The following EVL variants were observed in gnomAD, a reference collection of about 807,000 sequenced individuals.
EVL encodes the protein ena/VASP-like protein.
EVL carries 21 observed loss-of-function variants against 59.6 expected under a neutral mutation model. That is an observed-to-expected ratio of 0.35 (90% CI 0.25 to 0.51). The LOEUF is 0.51. Ranked by LOEUF, EVL falls within the 20% of genes least tolerant of loss-of-function variation. The pLI, the probability that EVL is intolerant of heterozygous loss-of-function variation, is 0.97. For missense variants in EVL, 462 were observed against 546.6 expected (o/e 0.85, Z 1.54); for synonymous variants, 198 against 203.5 (o/e 0.97, Z 0.23).
intron 1 of EVL, among the ~76,000 whole-genome samples, chr14:100,012,861 G>C (rs1416587877): frequency 6.6e-6 from 1 of 152,256 alleles, no homozygotes; most frequent in Admixed American, 6.5e-5. Context: ...GTATGACTAA[G>C]AATTGCTGTG....
At chr14:100,043,509 G>A (rs2061500182) in intron 1 of EVL, among the ~76,000 whole-genome samples, 1 of 151,854 alleles carries the variant, frequency 6.6e-6, no homozygotes, top group South Asian at 2.1e-4. Flanking sequence ...AAGTCCTGGA[G>A]CCCAAAGGCT....
chr14:100,136,768 G>A (rs371145128), intron 9 of EVL, among the ~76,000 whole-genome samples: 10 of 152,154 alleles, frequency 6.6e-5, no homozygotes, highest in East Asian at 5.8e-4. Context: ...TAGGTTCCTG[G>A]CTGATGAACG....
rs1039072470 is a variant in EVL, at chr14:100,057,977, C to G, written c.6-26710C>G. ...ACACCCTGCCTTCTTAACACAAATT[C>G]TCATGAAATGTCATTATTATACAAA... On this transcript the variant is annotated intron_variant, in intron 1 of 13. Coordinates refer to the EVL transcript ENST00000402714. Among the ~76,000 whole-genome samples the G allele has an allele frequency of 7.9e-5, 12 of 152,186 alleles. 1 individual carries two copies. The highest frequency in any genetic ancestry group is 2.9e-4 in the African/African-American group (12 of 41,448).
intron 1 of EVL, among the ~76,000 whole-genome samples, chr14:100,075,752 G>A (rs371595936): frequency 6.6e-6 from 1 of 152,160 alleles, no homozygotes; most frequent in Admixed American, 6.5e-5. Context: ...GGTTTGGGGG[G>A]CAGAGACATA....
At chr14:100,120,241 A>G (rs910217779) in intron 3 of EVL, among the ~76,000 whole-genome samples, 6 of 152,204 alleles carry the variant, frequency 3.9e-5, no homozygotes, top group Non-Finnish European at 7.3e-5. Flanking sequence ...AAGTCAGTTC[A>G]GCATGACTCC....
chr14:100,060,933 A>G (rs1472418126), upstream of EVL, among the ~76,000 whole-genome samples: 2 of 151,986 alleles, frequency 1.3e-5, no homozygotes, highest in Non-Finnish European at 2.9e-5. Context: ...CATGGAGGCC[A>G]GAAGACAATG....
intron 3 of EVL, among the ~76,000 whole-genome samples, chr14:100,098,853 G>A (rs568812579): frequency 6.6e-6 from 1 of 152,110 alleles, no homozygotes; most frequent in Admixed American, 6.5e-5. Context: ...TAAAATCGGG[G>A]GATATAGAGT....
chr14:100,033,231 A>C (rs1275843265), intron 1 of EVL, among the ~76,000 whole-genome samples: 1 of 152,200 alleles, frequency 6.6e-6, no homozygotes, highest in Non-Finnish European at 1.5e-5. Context: ...TACATATATA[A>C]ATTAAGCACT....
chr14:100,126,764 G>C lies in EVL; in HGVS notation c.480G>C (p.Ser160=), dbSNP rs759831187. The C allele has an allele frequency of 3.1e-6, 5 of 1,613,682 alleles. No individual in the cohort carries two copies. In the African/African-American group the frequency reaches 6.7e-5, roughly 22 times the overall value. Reference sequence around the variant, plus strand: ...AGGAATCTCTAGAAAGAAGAACCTCGGCCACAGGTGAGAGCCCTCCTCCCC... The same window carrying C: ...AGGAATCTCTAGAAAGAAGAACCTCCGCCACAGGTGAGAGCCCTCCTCCCC... The part of the protein sequence containing the change: ...QRQESLERRT[S]ATGPILPPGH... The change falls in exon 5 of 14, where the codon TCG becomes TCC. Residue 160 remains serine, a synonymous_variant. Transcript: ENST00000392920.
intron 1 of EVL, among the ~76,000 whole-genome samples, chr14:99,978,757 G>A (rs978950103): frequency 2.0e-5 from 3 of 152,114 alleles, no homozygotes; most frequent in African/African-American, 4.8e-5. Flanking sequence ...TGAAAGTAAC[G>A]TATTATTTCT....
intron 2 of EVL, among the ~76,000 whole-genome samples, chr14:100,094,160 C>T (rs915199153): frequency 6.6e-6 from 1 of 152,154 alleles, no homozygotes; most frequent in Non-Finnish European, 1.5e-5. Flanking sequence ...CTTCTAAATC[C>T]AATTTCCCCA....
At chr14:100,044,290 C>T (rs1315826412) in intron 1 of EVL, among the ~76,000 whole-genome samples, 1 of 152,046 alleles carries the variant, frequency 6.6e-6, no homozygotes, top group Admixed American at 6.6e-5. Flanking sequence ...ACAGTAGTTG[C>T]CTTGGGAGGA....
chr14:100,050,172 G>A (rs925035420), intron 1 of EVL, among the ~76,000 whole-genome samples: 1 of 152,088 alleles, frequency 6.6e-6, no homozygotes, highest in Non-Finnish European at 1.5e-5. Flanking sequence ...GTTGTCTTTG[G>A]GGAAGAAAGG....
At chr14:100,105,809 A>G (rs1490472558) in intron 3 of EVL, among the ~76,000 whole-genome samples, 2 of 152,098 alleles carry the variant, frequency 1.3e-5, no homozygotes, top group Non-Finnish European at 2.9e-5. Flanking sequence ...AGTAAGTAGT[A>G]GTGGTTGTAG....
At position 100,141,735 on chromosome 14, in the gene EVL, G is replaced by C; in HGVS notation, c.1162-1G>C. The stretch of plus-strand genomic sequence containing the variant: ...TCACCTGGACACTCCTCTCCCAACA[G>C]GAGATCCTAGAGGAGGTGGTGAGAG... On this transcript the variant is annotated splice_acceptor_variant, in intron 12 of 13. Transcript: ENST00000392920. LOFTEE classifies it high-confidence loss of function. The C allele has an allele frequency of 6.2e-7, 1 of 1,613,446 alleles. No individual in the cohort carries two copies. Among genetic ancestry groups the C allele is most frequent in the Non-Finnish European group, 8.5e-7 (1 of 1,179,840 alleles).
chr14:100,135,555 C>T (rs1888726963), intron 8 of EVL: 1 of 281,452 alleles, frequency 3.6e-6, no homozygotes, highest in Non-Finnish European at 6.9e-6. Context: ...GCAGGCCAGT[C>T]CACGGGGTGC....
chr14:99,981,669 G>A (rs1350071077), intron 1 of EVL, among the ~76,000 whole-genome samples: 1 of 152,132 alleles, frequency 6.6e-6, no homozygotes, highest in Non-Finnish European at 1.5e-5. Flanking sequence ...AGTGCATATA[G>A]AAGTTATGTT....
In EVL at chr14:100,120,304, C is replaced by A. The variant is rs1595216293; in HGVS notation, c.359-3235C>A. On this transcript the variant is annotated intron_variant, in intron 3 of 13. Transcript: ENST00000392920. ...GTGAGCTTGAGCCCCCTCTCCCCTT[C>A]CTGACTTAGTTCAGTGGAATATGAA... Among the ~76,000 whole-genome samples the A allele has an allele frequency of 2.0e-5, 3 of 152,364 alleles. No homozygotes were observed. The East Asian group carries it at 5.8e-4, about 29-fold the overall frequency.
intron 3 of EVL, among the ~76,000 whole-genome samples, chr14:100,116,094 C>G (rs1887324176): frequency 6.6e-6 from 1 of 152,194 alleles, no homozygotes; most frequent in Non-Finnish European, 1.5e-5. Context: ...TAGCCCAGTT[C>G]ACAGACTCCA....
Sources: gnomAD v4.1 joint callset for allele counts (sites outside exome capture counted in the v4.1 genomes callset) on GRCh38, gnomAD v4.1.1 for gene constraint, MANE v1.5 for transcripts, NCBI Gene and HGNC (gene_info 2026-07-23, HGNC 2026-07-21) for gene names.